Variants in PDE1A observed in about 807,000 individuals in gnomAD.
PDE1A encodes dual specificity calcium/calmodulin-dependent 3',5'-cyclic nucleotide phosphodiesterase 1A.
PDE1A carries 35 observed loss-of-function variants against 61.7 expected under a neutral mutation model. The observed-to-expected ratio is 0.57, with a 90% CI of 0.43 to 0.75. PDE1A has a LOEUF of 0.75. Among genes scored for constraint, PDE1A ranks in the 30% least tolerant of loss-of-function variants. The pLI is 0.00. For synonymous variants in PDE1A, 232 were observed against 213.2 expected, an observed-to-expected ratio of 1.09 and a Z score of -0.77; for missense variants, 597 against 630.6, an observed-to-expected ratio of 0.95 and a Z score of 0.57.
rs191006572 is a variant in PDE1A, at chr2:182,463,432, C to A, written c.101+58844G>T. Among the ~76,000 whole-genome samples the A allele has an allele frequency of 3.2e-3, 492 of 152,172 alleles. 2 individuals are homozygous for A. The highest frequency in any genetic ancestry group is 6.8e-3 in the Middle Eastern group (2 of 294). ...ACACACGTTATCCCTCGGCCTTCAA[C>A]CCTTAGATTTAGAAAGCAAGCCCAC... On this transcript the variant is annotated intron_variant, in intron 2 of 14. Transcript: ENST00000410103.
intron 1 of PDE1A, among the ~76,000 whole-genome samples, chr2:182,282,038 ATGT>A (rs1693845590): frequency 6.6e-6 from 1 of 151,942 alleles, no homozygotes; most frequent in African/African-American, 2.4e-5. Context: ...ACCCTTAATG[ATGT>A]TATTTTAACA....
intron 1 of PDE1A, among the ~76,000 whole-genome samples, chr2:182,384,485 T>TAAA (rs1360126564): frequency 7.1e-6 from 1 of 140,714 alleles, no homozygotes; most frequent in Non-Finnish European, 1.6e-5. Flanking sequence ...ATAATAATAA[T>TAAA]AATAAAATAG....
At chr2:182,433,759 G>A (rs950325748) in intron 2 of PDE1A, among the ~76,000 whole-genome samples, 5 of 151,904 alleles carry the variant, frequency 3.3e-5, no homozygotes, top group African/African-American at 7.3e-5. Flanking sequence ...TCCGGCCCTC[G>A]TGTACCTGTA....
chr2:182,431,501 T>C (rs1703949171), upstream of PDE1A, among the ~76,000 whole-genome samples: 1 of 152,138 alleles, frequency 6.6e-6, no homozygotes, highest in Non-Finnish European at 1.5e-5. Context: ...ACCATAACTT[T>C]ACCGCTTTAC....
intron 1 of PDE1A, among the ~76,000 whole-genome samples, chr2:182,339,908 C>G (rs994892457): frequency 6.6e-6 from 1 of 151,924 alleles, no homozygotes; most frequent in Non-Finnish European, 1.5e-5. Flanking sequence ...ACCCAATTTA[C>G]TTAGGGCAAA....
chr2:182,203,269 G>A (rs1334417975), intron 8 of PDE1A, among the ~76,000 whole-genome samples: 2 of 152,018 alleles, frequency 1.3e-5, no homozygotes, highest in Non-Finnish European at 2.9e-5. Flanking sequence ...GCAGTGAGCC[G>A]AGATTGCACC....
chr2:182,255,811 G>A (rs1471708821), intron 2 of PDE1A, among the ~76,000 whole-genome samples: 2 of 151,372 alleles, frequency 1.3e-5, no homozygotes, highest in Non-Finnish European at 3.0e-5. Context: ...GTGTGCACTA[G>A]CGCACCTAGC....
the PDE1A span, among the ~76,000 whole-genome samples, chr2:182,555,261 T>C: frequency 6.6e-6 from 1 of 152,246 alleles, no homozygotes; most frequent in Non-Finnish European, 1.5e-5. Context: ...CCATGCTACC[T>C]GAGTTAATTA....
chr2:182,387,055 TC>T (rs968474848), intron 1 of PDE1A, among the ~76,000 whole-genome samples: 157 of 152,292 alleles, frequency 1.0e-3, no homozygotes, highest in African/African-American at 3.8e-3. Context: ...ATGGGAGACT[TC>T]ATTTTGTTCT....
intron 1 of PDE1A, among the ~76,000 whole-genome samples, chr2:182,370,873 C>T (rs1219380476): frequency 6.6e-6 from 1 of 152,052 alleles, no homozygotes; most frequent in African/African-American, 2.4e-5. Flanking sequence ...GCTGAAGTTA[C>T]AATCTTTCTA....
intron 1 of PDE1A, among the ~76,000 whole-genome samples, chr2:182,385,878 C>CCTCTCT (rs1466255084): frequency 5.3e-5 from 8 of 150,744 alleles, no homozygotes; most frequent in African/African-American, 1.9e-4. Context: ...TCTCCGTCTC[C>CCTCTCT]CTCTCTCTCC....
At chr2:182,465,417 TTTTTTTAA>T (rs1179176162) in intron 2 of PDE1A, among the ~76,000 whole-genome samples, 1 of 152,132 alleles carries the variant, frequency 6.6e-6, no homozygotes, top group Non-Finnish European at 1.5e-5. Flanking sequence ...ATTTTAATTT[TTTTTTTAA>T]ATCTGATACA....
At chr2:182,459,755 G>T (rs950077553) in intron 2 of PDE1A, among the ~76,000 whole-genome samples, 8 of 152,048 alleles carry the variant, frequency 5.3e-5, no homozygotes, top group African/African-American at 1.9e-4. Flanking sequence ...TGCTACAAAG[G>T]GGGTAGAATG....
chr2:182,372,819 G>A (rs543831195), intron 1 of PDE1A, among the ~76,000 whole-genome samples: 78 of 152,324 alleles, frequency 5.1e-4, no homozygotes, highest in African/African-American at 1.8e-3. Flanking sequence ...GTTCCCGTAG[G>A]AGAAAAGGCT....
At chr2:182,522,710 G>GCTCA (rs1690644386) in exon 1 of PDE1A, 1 of 1,039,954 alleles carries the variant, frequency 9.6e-7, no homozygotes, top group African/African-American at 1.7e-5. Flanking sequence ...ATCTGTTACT[G>GCTCA]TTCTGTGCAC....
chr2:182,244,200 T>C (rs1690778102), intron 2 of PDE1A, among the ~76,000 whole-genome samples: 1 of 152,124 alleles, frequency 6.6e-6, no homozygotes, highest in African/African-American at 2.4e-5. Context: ...TCTCAGACTA[T>C]ACATTTTTTT....
the PDE1A span, among the ~76,000 whole-genome samples, chr2:182,564,045 T>G: frequency 6.6e-6 from 1 of 152,220 alleles, no homozygotes; most frequent in African/African-American, 2.4e-5. Context: ...GAGCATTTAG[T>G]CCATTTACAT....
At chr2:182,534,862 A>C in the PDE1A span, among the ~76,000 whole-genome samples, 1 of 151,970 alleles carries the variant, frequency 6.6e-6, no homozygotes, top group Non-Finnish European at 1.5e-5. Flanking sequence ...CCTAAAGTCA[A>C]TATCCAACAC....
the PDE1A span, among the ~76,000 whole-genome samples, chr2:182,589,940 C>CTCCAGTGG: frequency 6.6e-6 from 1 of 152,256 alleles, no homozygotes; most frequent in African/African-American, 2.4e-5. Flanking sequence ...ACATCCTAAC[C>CTCCAGTGG]ACGCTATTAG....
Sources: allele counts gnomAD v4.1 joint callset (sites outside exome capture counted in the v4.1 genomes callset), GRCh38; gene constraint gnomAD v4.1.1; transcripts MANE v1.5; gene names NCBI Gene and HGNC (gene_info 2026-07-23, HGNC 2026-07-21).